GLP2R: variants seen among roughly 807,000 people sequenced by gnomAD.
The protein encoded by GLP2R is glucagon like peptide 2 receptor.
A neutral mutation model predicts 68.2 loss-of-function variants in GLP2R; 59 were observed. The observed-to-expected ratio is 0.87, with a 90% CI of 0.70 to 1.07. GLP2R has a LOEUF of 1.07. Ranked by LOEUF, GLP2R falls within the 50% of genes least tolerant of loss-of-function variation. The pLI is 0.00. For synonymous variants in GLP2R, 270 were observed against 265.4 expected (o/e 1.02, Z -0.17); for missense variants, 548 against 677.4 (o/e 0.81, Z 2.12).
chr17:9,855,827 C>A (rs1050120053), intron 5 of GLP2R, among the ~76,000 whole-genome samples: 9 of 152,202 alleles, frequency 5.9e-5, no homozygotes, highest in Non-Finnish European at 2.9e-5. Context: ...CACTTTCACT[C>A]CCTAAACTTT....
intron 4 of GLP2R, among the ~76,000 whole-genome samples, chr17:9,850,931 G>A (rs1286880597): frequency 6.6e-6 from 1 of 152,098 alleles, no homozygotes; most frequent in Non-Finnish European, 1.5e-5. Flanking sequence ...GAACTCAGGT[G>A]ATCCTCCTGC....
At chr17:9,880,685 T>G in intron 11 of GLP2R, among the ~76,000 whole-genome samples, 169 bp downstream of exon 11, 1 of 152,192 alleles carries the variant, frequency 6.6e-6, no homozygotes, top group East Asian at 1.9e-4. Flanking sequence ...CGGGGAAGTA[T>G]TGCGTTGATC....
intron 9 of GLP2R, among the ~76,000 whole-genome samples, chr17:9,865,450 C>G (rs549067543): frequency 7.2e-5 from 11 of 152,276 alleles, no homozygotes; most frequent in African/African-American, 2.4e-4. Context: ...GATTATGTCT[C>G]TGTTCTACTT....
At chr17:9,832,800 G>A (rs568448209) in intron 1 of GLP2R, among the ~76,000 whole-genome samples, 2 of 152,192 alleles carry the variant, frequency 1.3e-5, no homozygotes, top group African/African-American at 2.4e-5. Context: ...ACTAGAAGCT[G>A]TTACACAGCC....
intron 4 of GLP2R, among the ~76,000 whole-genome samples, chr17:9,846,811 T>G (rs924169287): frequency 6.6e-6 from 1 of 152,168 alleles, no homozygotes; most frequent in Non-Finnish European, 1.5e-5. Context: ...CGATCAAACC[T>G]TGCCAAGATT....
intron 10 of GLP2R, among the ~76,000 whole-genome samples, chr17:9,871,592 G>T (rs1262731545): frequency 6.6e-6 from 1 of 152,124 alleles, no homozygotes; most frequent in East Asian, 1.9e-4. Flanking sequence ...TGAGATGACA[G>T]CAGTCCTCAT....
In GLP2R at chr17:9,848,894, T is replaced by TGTGTGTGC. The variant is rs934712218; in HGVS notation, c.505-5600_505-5599insTGTGTGCG. 1.6e-4 allele frequency among the ~76,000 whole-genome samples: 24 copies of TGTGTGTGC among 149,300 alleles called. No individual in the cohort carries two copies. The East Asian group carries it at 2.0e-3, about 12-fold the overall frequency. On this transcript the variant is annotated intron_variant, in intron 4 of 12. Coordinates refer to ENST00000262441, the MANE Select transcript of GLP2R (RefSeq NM_004246.3). ...GTGTGTGTGTGTGTGTGTGTGTGTG[T>TGTGTGTGC]GCGCTCACATAAGCATTAACAAGTG...
chr17:9,859,741 C>G (rs544854003), intron 6 of GLP2R, among the ~76,000 whole-genome samples: 2 of 142,956 alleles, frequency 1.4e-5, no homozygotes, highest in South Asian at 4.4e-4. Context: ...ATCACTTGAA[C>G]CAGGGAGCTG....
At chr17:9,880,654 G>A in intron 11 of GLP2R, 138 bp downstream of exon 11, 1 of 558,792 alleles carries the variant, frequency 1.8e-6, no homozygotes, top group Non-Finnish European at 3.1e-6. Context: ...AAGGGCCCTT[G>A]GCATTAGAAG....
chr17:9,830,881 T>A (rs1310567099), intron 1 of GLP2R, among the ~76,000 whole-genome samples: 1 of 152,238 alleles, frequency 6.6e-6, no homozygotes, highest in Non-Finnish European at 1.5e-5. Flanking sequence ...TGGCATCCGA[T>A]CTGATCCTAA....
At chr17:9,879,825 G>A (rs191245901) in intron 10 of GLP2R, among the ~76,000 whole-genome samples, 89 of 152,288 alleles carry the variant, frequency 5.8e-4, no homozygotes, top group African/African-American at 2.0e-3. Flanking sequence ...GGCTGACAGC[G>A]AAGTCCAGAA....
chr17:9,852,568 A>T (rs1377869355), intron 4 of GLP2R, among the ~76,000 whole-genome samples: 1 of 152,246 alleles, frequency 6.6e-6, no homozygotes, highest in Non-Finnish European at 1.5e-5. Context: ...AACTCAAAGT[A>T]AGCAAAAGAA....
intron 4 of GLP2R, among the ~76,000 whole-genome samples, chr17:9,847,301 C>T (rs2066848543): frequency 6.6e-6 from 1 of 151,756 alleles, no homozygotes. Flanking sequence ...CGGAGTTTCG[C>T]TCTTGTTGCC....
chr17:9,869,210 T>A (rs1665392508), intron 9 of GLP2R, among the ~76,000 whole-genome samples: 1 of 152,076 alleles, frequency 6.6e-6, no homozygotes, highest in Non-Finnish European at 1.5e-5. Context: ...CCAACTGATC[T>A]CCCCTCCTCC....
chr17:9,834,298 C>T (rs566208601), intron 2 of GLP2R, among the ~76,000 whole-genome samples: 347 of 152,278 alleles, frequency 2.3e-3, no homozygotes, highest in Non-Finnish European at 3.8e-3. Context: ...TATGAAACCA[C>T]ATGTATGTGG....
intron 2 of GLP2R, chr17:9,834,470 A>T (rs567896855): frequency 1.3e-5 from 2 of 158,408 alleles, no homozygotes; most frequent in Non-Finnish European, 2.8e-5. Context: ...CTGAATAGTA[A>T]CATTTCTCTT....
At chr17:9,844,016 A>G (rs1171897518) in intron 4 of GLP2R, among the ~76,000 whole-genome samples, 1 of 152,176 alleles carries the variant, frequency 6.6e-6, no homozygotes, top group African/African-American at 2.4e-5. Flanking sequence ...TGATGCAGAC[A>G]GGGGACCAGG....
chr17:9,850,608 C>T (rs1013768622), intron 4 of GLP2R, among the ~76,000 whole-genome samples: 3 of 152,030 alleles, frequency 2.0e-5, no homozygotes, highest in African/African-American at 7.3e-5. Context: ...GGATTAAGCT[C>T]CAGCTTCCCA....
rs778716194 is a variant in GLP2R at position 9,861,091 on chromosome 17, G to T, written c.926-48G>T. ...ATCCGCTGTGGTGGGAGGCAAGCAG[G>T]TTTGGCCAACCAACTCCTAACTACA... On this transcript the variant is annotated intron_variant, in intron 7 of 12. Coordinates refer to ENST00000262441, the MANE Select transcript of GLP2R (RefSeq NM_004246.3). 1.1e-5 allele frequency: 16 copies of T among 1,443,416 alleles called. No homozygotes were observed. In the South Asian group the frequency reaches 1.8e-4, roughly 16 times the overall value. The allele number at this position is 1,443,416 out of a possible 1,614,324, so 89.4% of individuals were successfully genotyped here.
Sources: allele counts gnomAD v4.1 joint callset (sites outside exome capture counted in the v4.1 genomes callset), GRCh38; gene constraint gnomAD v4.1.1; transcripts MANE v1.5; gene names NCBI Gene and HGNC (gene_info 2026-07-23, HGNC 2026-07-21).